The following PPP3CA variants were observed in gnomAD, a reference collection of about 807,000 sequenced individuals.
PPP3CA encodes protein phosphatase 3 catalytic subunit alpha.
A neutral mutation model predicts 66.5 loss-of-function variants in PPP3CA; 14 were observed. The ratio of observed to expected loss-of-function variants is 0.21; its 90% CI spans 0.14 to 0.33. PPP3CA has a LOEUF of 0.33. Ranked by LOEUF, PPP3CA falls within the 10% of genes least tolerant of loss-of-function variation. The pLI, the probability that PPP3CA is intolerant of heterozygous loss-of-function variation, is 1.00. For missense variants in PPP3CA, 317 were observed against 639.5 expected (o/e 0.50, Z 5.44); for synonymous variants, 232 against 226.2 (o/e 1.03, Z -0.23).
At chr4:101,221,232 GCC>G (rs1373124146) in intron 1 of PPP3CA, among the ~76,000 whole-genome samples, 3 of 151,536 alleles carry the variant, frequency 2.0e-5, no homozygotes, top group African/African-American at 7.3e-5. Context: ...GTAACAGACG[GCC>G]ATAAAAAAGC....
At chr4:101,310,700 A>T (rs996598837) in intron 1 of PPP3CA, among the ~76,000 whole-genome samples, 1 of 152,232 alleles carries the variant, frequency 6.6e-6, no homozygotes, top group Non-Finnish European at 1.5e-5. Context: ...AAGTAAAATT[A>T]AAAATTTGTT....
chr4:101,186,505 A>G (rs963583170), intron 2 of PPP3CA, among the ~76,000 whole-genome samples: 3 of 152,162 alleles, frequency 2.0e-5, no homozygotes, highest in Admixed American at 6.6e-5. Flanking sequence ...TCTTTAGCAA[A>G]GCCCACCCTT....
At chr4:101,151,642 C>G (rs1011201424) in intron 2 of PPP3CA, among the ~76,000 whole-genome samples, 75 of 142,786 alleles carry the variant, frequency 5.3e-4, no homozygotes, top group Non-Finnish European at 1.0e-3. Flanking sequence ...TTTAGCTAAG[C>G]CAAGGTTTCC....
Position 101,306,736 on chromosome 4 carries a change from A to G in PPP3CA, c.58+40003T>C, listed in dbSNP as rs569987957. On this transcript the variant is annotated intron_variant, in intron 1 of 13. Transcript: ENST00000394854. ...TTACTGTAATTCTGAAAGTTGATAT[A>G]TCGAGCATTACAGACTTACTGACAA... 2.0e-5 allele frequency among the ~76,000 whole-genome samples: 3 copies of G among 152,318 alleles called. No individual in the cohort carries two copies. In the East Asian group the frequency reaches 5.8e-4, roughly 29 times the overall value.
intron 2 of PPP3CA, among the ~76,000 whole-genome samples, chr4:101,176,596 C>G (rs1000965024): frequency 1.3e-5 from 2 of 152,090 alleles, no homozygotes; most frequent in African/African-American, 4.8e-5. Flanking sequence ...CTATTTAGAG[C>G]AGAAAATAGC....
chr4:101,182,377 C>T (rs1724262890), intron 2 of PPP3CA, among the ~76,000 whole-genome samples: 1 of 152,064 alleles, frequency 6.6e-6, no homozygotes, highest in African/African-American at 2.4e-5. Flanking sequence ...AAGAGAAAGA[C>T]CTTGCTATCT....
chr4:101,313,013 T>C (rs1728775560), intron 1 of PPP3CA, among the ~76,000 whole-genome samples: 1 of 152,170 alleles, frequency 6.6e-6, no homozygotes, highest in South Asian at 2.1e-4. Flanking sequence ...ATTTCTTCTT[T>C]CCTTCCCTTC....
rs200948922 is a variant in PPP3CA at position 101,215,445 on chromosome 4, CT to C, written c.59-19330del. Among the ~76,000 whole-genome samples, 857 of 152,128 alleles carry C rather than the reference CT, an allele frequency of 5.6e-3. 11 individuals carry two copies. The highest frequency in any genetic ancestry group is 0.02 in the African/African-American group (821 of 41,564). On this transcript the variant is annotated intron_variant, in intron 1 of 13. Coordinates refer to ENST00000394854, the MANE Select transcript of PPP3CA (RefSeq NM_000944.5). Reference sequence around the variant, plus strand: ...TCGATTTCTTCCCAATTCCTCATTTCTAATATTAGAAAAGGAATCAAGCGAA... The same window carrying C: ...TCGATTTCTTCCCAATTCCTCATTTCAATATTAGAAAAGGAATCAAGCGAA...
At chr4:101,033,965 G>A (rs540180766) in intron 11 of PPP3CA, among the ~76,000 whole-genome samples, 8 of 152,192 alleles carry the variant, frequency 5.3e-5, no homozygotes, top group Non-Finnish European at 7.4e-5. Flanking sequence ...TGCTCCATCC[G>A]AGTCACACTC....
intron 2 of PPP3CA, among the ~76,000 whole-genome samples, chr4:101,180,213 T>C (rs1158233928): frequency 1.3e-5 from 2 of 152,154 alleles, no homozygotes; most frequent in African/African-American, 2.4e-5. Flanking sequence ...GCTGTGGTAG[T>C]ATAATTAGTA....
At chr4:101,295,307 C>CAAAAAAAAAAA (rs527366396) in intron 1 of PPP3CA, among the ~76,000 whole-genome samples, 1 of 42,054 alleles carries the variant, frequency 2.4e-5, no homozygotes. Flanking sequence ...GACTCCGTCT[C>CAAAAAAAAAAA]AAAAAAAAAA....
chr4:101,288,889 T>C (rs556490192), intron 1 of PPP3CA, among the ~76,000 whole-genome samples: 1 of 152,038 alleles, frequency 6.6e-6, no homozygotes, highest in Non-Finnish European at 1.5e-5. Context: ...CAAAATGAAG[T>C]GCCTTGAGTC....
At chr4:101,087,672 T>C (rs1334949869) in intron 6 of PPP3CA, among the ~76,000 whole-genome samples, 1 of 152,190 alleles carries the variant, frequency 6.6e-6, no homozygotes, top group Non-Finnish European at 1.5e-5. Context: ...ATTTGCTGTA[T>C]TTAGTTGTAT....
chr4:101,149,761 G>A (rs1723079694), intron 2 of PPP3CA, among the ~76,000 whole-genome samples: 1 of 152,158 alleles, frequency 6.6e-6, no homozygotes, highest in African/African-American at 2.4e-5. Context: ...GACAAAGGTA[G>A]TATCAATAGC....
chr4:101,190,713 C>T (rs1275796819), intron 2 of PPP3CA, among the ~76,000 whole-genome samples: 2 of 152,098 alleles, frequency 1.3e-5, no homozygotes, highest in Non-Finnish European at 1.5e-5. Context: ...AAAAGAACTA[C>T]GAATGTTTTT....
chr4:101,294,308 G>A (rs1002773632), intron 1 of PPP3CA, among the ~76,000 whole-genome samples: 1 of 152,138 alleles, frequency 6.6e-6, no homozygotes, highest in Non-Finnish European at 1.5e-5. Context: ...CTTTGAACTA[G>A]GTATCTCATC....
Position 101,325,731 on chromosome 4 carries a change from T to A in PPP3CA, c.58+21008A>T, listed in dbSNP as rs139634586. 7.9e-3 allele frequency among the ~76,000 whole-genome samples: 1,207 copies of A among 152,332 alleles called. 11 individuals are homozygous for A. The highest frequency in any genetic ancestry group is 0.013 in the Non-Finnish European group (892 of 68,042). ...GTAGAAAAAATATGGCTTCTACTGC[T>A]CACAGTCTTCATATTGTGTCATGCT... On this transcript the variant is annotated intron_variant, in intron 1 of 13. Transcript: ENST00000394854.
At chr4:101,127,754 CA>C (rs1201906286) in intron 2 of PPP3CA, among the ~76,000 whole-genome samples, 6 of 152,276 alleles carry the variant, frequency 3.9e-5, no homozygotes, top group Admixed American at 1.3e-4. Flanking sequence ...TGCACAACAA[CA>C]ATAACAACAA....
intron 2 of PPP3CA, among the ~76,000 whole-genome samples, chr4:101,127,173 CT>C (rs1251498019): frequency 6.6e-6 from 1 of 151,794 alleles, no homozygotes; most frequent in Non-Finnish European, 1.5e-5. Context: ...TTTGTTAGAT[CT>C]TCCACCTCAC....
Sources: gnomAD v4.1 joint callset for allele counts (sites outside exome capture counted in the v4.1 genomes callset) on GRCh38, gnomAD v4.1.1 for gene constraint, MANE v1.5 for transcripts, NCBI Gene and HGNC (gene_info 2026-07-23, HGNC 2026-07-21) for gene names.